Variants in LAMA2 observed in about 807,000 individuals in gnomAD.
LAMA2 encodes the protein laminin subunit alpha-2.
Under a neutral mutation model 364.8 loss-of-function variants are expected in LAMA2, and 269 were observed. That is an observed-to-expected ratio of 0.74 (90% CI 0.67 to 0.82). LAMA2 has a LOEUF of 0.82. LAMA2 is among the 40% of genes least tolerant of loss of function. LAMA2 has a pLI of 0.00. For missense variants in LAMA2, 3,807 were observed against 3,873.2 expected (o/e 0.98, Z 0.45); for synonymous variants, 1,379 against 1,370.6 (o/e 1.01, Z -0.14).
intron 12 of LAMA2, among the ~76,000 whole-genome samples, chr6:129,197,021 C>G (rs867905099): frequency 6.6e-6 from 1 of 152,098 alleles, no homozygotes; most frequent in African/African-American, 2.4e-5. Flanking sequence ...CACCACAGAC[C>G]AACAGTAACA....
chr6:129,341,678 T>C (rs1776276233), intron 29 of LAMA2, among the ~76,000 whole-genome samples: 1 of 152,242 alleles, frequency 6.6e-6, no homozygotes, highest in South Asian at 2.1e-4. Context: ...GTGTTAAATA[T>C]AATTCTGCTT....
chr6:129,017,182 A>G (rs909396247), intron 1 of LAMA2, among the ~76,000 whole-genome samples: 4 of 152,124 alleles, frequency 2.6e-5, no homozygotes, highest in East Asian at 1.9e-4. Flanking sequence ...TAAATGTAAT[A>G]TGAGTCAATT....
chr6:129,200,135 C>T (rs868478929), intron 12 of LAMA2, among the ~76,000 whole-genome samples: 20 of 96,626 alleles, frequency 2.1e-4, no homozygotes, highest in Middle Eastern at 7.8e-3. Flanking sequence ...TATATATATA[C>T]GTGTACACAT....
intron 1 of LAMA2, among the ~76,000 whole-genome samples, chr6:128,940,533 TG>T (rs765095824): frequency 3.3e-5 from 5 of 152,194 alleles, no homozygotes; most frequent in Non-Finnish European, 5.9e-5. Context: ...AGAGAATAAA[TG>T]GGTAATGCAT....
chr6:128,941,605 C>T (rs1780159866), intron 1 of LAMA2, among the ~76,000 whole-genome samples: 1 of 151,702 alleles, frequency 6.6e-6, no homozygotes, highest in Non-Finnish European at 1.5e-5. Flanking sequence ...TTTTAAAATA[C>T]AATTTTCAAG....
At chr6:129,375,922 T>G (rs1441663533) in intron 34 of LAMA2, among the ~76,000 whole-genome samples, 1 of 152,178 alleles carries the variant, frequency 6.6e-6, no homozygotes, top group East Asian at 1.9e-4. Context: ...CAAAGAGAAA[T>G]TAGCAGGTTG....
intron 49 of LAMA2, among the ~76,000 whole-genome samples, chr6:129,461,760 G>A (rs896380313): frequency 4.0e-5 from 6 of 151,856 alleles, no homozygotes; most frequent in Admixed American, 2.6e-4. Flanking sequence ...ATGATTATAA[G>A]AGTATTCCTA....
intron 3 of LAMA2, among the ~76,000 whole-genome samples, chr6:129,095,530 C>CA (rs1212645775): frequency 1.3e-5 from 2 of 152,004 alleles, no homozygotes; most frequent in South Asian, 2.1e-4. Flanking sequence ...GCTTCAGCCT[C>CA]AAAAAATGTG....
chr6:129,218,805 A>G (rs1783593825), intron 12 of LAMA2, among the ~76,000 whole-genome samples: 1 of 152,186 alleles, frequency 6.6e-6, no homozygotes, highest in Non-Finnish European at 1.5e-5. Flanking sequence ...TGGAAATGTA[A>G]TGTTTTCATT....
chr6:129,135,231 G>T (rs1304007389), intron 4 of LAMA2, among the ~76,000 whole-genome samples: 2 of 152,186 alleles, frequency 1.3e-5, no homozygotes, highest in African/African-American at 4.8e-5. Context: ...TCATAGACAG[G>T]ATTGGAATGG....
At chr6:128,903,273 A>G (rs975621330) in intron 1 of LAMA2, among the ~76,000 whole-genome samples, 8 of 152,276 alleles carry the variant, frequency 5.3e-5, no homozygotes, top group Non-Finnish European at 8.8e-5. Context: ...CTTCACTACA[A>G]ATGGAATTTC....
At chr6:129,314,421 T>TAAAAAAAAAAAAAAA (rs1774442307) in intron 23 of LAMA2, among the ~76,000 whole-genome samples, 1 of 94,620 alleles carries the variant, frequency 1.1e-5, no homozygotes, top group African/African-American at 4.0e-5. Context: ...AAAAAAAAAG[T>TAAAAAAAAAAAAAAA]ACAATACCTT....
intron 22 of LAMA2, among the ~76,000 whole-genome samples, chr6:129,301,501 A>T (rs1214832120): frequency 1.3e-5 from 2 of 152,124 alleles, no homozygotes; most frequent in Non-Finnish European, 1.5e-5. Context: ...CGCGAGTTAC[A>T]TTTTAGAACT....
intron 61 of LAMA2, 69 bp from the exon 62 acceptor site, chr6:129,507,420 A>T: frequency 1.3e-6 from 2 of 1,504,556 alleles, no homozygotes; most frequent in Non-Finnish European, 1.9e-6. Context: ...CCTGCAAATG[A>T]CTGTATTCTA....
intron 64 of LAMA2, among the ~76,000 whole-genome samples, 179 bp downstream of exon 64, chr6:129,514,774 C>T (rs555221725): frequency 2.0e-5 from 3 of 152,314 alleles, no homozygotes; most frequent in East Asian, 3.9e-4. Context: ...GAACATATTA[C>T]TTATATAAAC....
chr6:128,892,742 T>G (rs1172500007), intron 1 of LAMA2, among the ~76,000 whole-genome samples: 1 of 151,906 alleles, frequency 6.6e-6, no homozygotes, highest in Non-Finnish European at 1.5e-5. Context: ...AAAAAAATTC[T>G]TGGAATACAT....
chr6:129,421,933 A>G (rs1328570358), intron 40 of LAMA2, among the ~76,000 whole-genome samples: 1 of 151,956 alleles, frequency 6.6e-6, no homozygotes, highest in Non-Finnish European at 1.5e-5. Flanking sequence ...TGCCCAATTC[A>G]TCTTCTTGGA....
intron 17 of LAMA2, among the ~76,000 whole-genome samples, chr6:129,274,964 T>C (rs1455370682): frequency 6.6e-6 from 1 of 152,002 alleles, no homozygotes; most frequent in Non-Finnish European, 1.5e-5. Flanking sequence ...TAATAAAATA[T>C]ATTATTGGCA....
chr6:129,328,146 C>G (rs192063370), intron 28 of LAMA2, 132 bp from the exon 29 acceptor site: 17 of 796,020 alleles, frequency 2.1e-5, no homozygotes, highest in Middle Eastern at 2.7e-4. Flanking sequence ...TCGGCACTTG[C>G]GTTTGTAAGT....
Sources: allele counts gnomAD v4.1 joint callset (sites outside exome capture counted in the v4.1 genomes callset), GRCh38; gene constraint gnomAD v4.1.1; transcripts MANE v1.5; gene names NCBI Gene and HGNC (gene_info 2026-07-23, HGNC 2026-07-21).